The following LINGO2 variants were observed in gnomAD, a reference collection of about 807,000 sequenced individuals.
LINGO2 encodes the protein leucine-rich repeat and immunoglobulin-like domain-containing nogo receptor-interacting protein 2.
In LINGO2, 14 loss-of-function variants were observed where a neutral mutation model predicts 30.6. The observed-to-expected ratio is 0.46, with a 90% CI of 0.30 to 0.72. The LOEUF (loss-of-function observed/expected upper bound fraction) is 0.72. LINGO2 is among the 30% of genes least tolerant of loss of function. LINGO2 has a pLI of 0.07. For synonymous variants in LINGO2, 317 were observed against 288.5 expected, an observed-to-expected ratio of 1.10 and a Z score of -1.00; for missense variants, 729 against 751.7, an observed-to-expected ratio of 0.97 and a Z score of 0.35.
At chr9:28,617,758 G>A (rs747965210) in intron 1 of LINGO2, among the ~76,000 whole-genome samples, 8 of 151,282 alleles carry the variant, frequency 5.3e-5, no homozygotes, top group African/African-American at 1.2e-4. Flanking sequence ...ACAACCTTAC[G>A]TAAAACTTTG....
chr9:28,708,263 T>C, the LINGO2 span, among the ~76,000 whole-genome samples: 1 of 152,148 alleles, frequency 6.6e-6, no homozygotes, highest in Non-Finnish European at 1.5e-5. Context: ...AAGCACAGAA[T>C]TCAGCTAAAA....
chr9:28,260,684 A>T (rs1350573540), intron 4 of LINGO2, among the ~76,000 whole-genome samples: 1 of 151,902 alleles, frequency 6.6e-6, no homozygotes, highest in Non-Finnish European at 1.5e-5. Context: ...AATTATACCT[A>T]TACCTGTACA....
the LINGO2 span, among the ~76,000 whole-genome samples, chr9:29,145,768 G>C: frequency 6.6e-6 from 1 of 152,086 alleles, no homozygotes; most frequent in Non-Finnish European, 1.5e-5. Context: ...ATTAGGTTTT[G>C]TTTGATTTTG....
chr9:28,253,373 G>A (rs1822273294), intron 4 of LINGO2, among the ~76,000 whole-genome samples: 2 of 152,110 alleles, frequency 1.3e-5, no homozygotes, highest in African/African-American at 2.4e-5. Flanking sequence ...CATGACCCTT[G>A]ACTTGTGGAT....
chr9:28,909,951 G>A, the LINGO2 span, among the ~76,000 whole-genome samples: 1 of 151,944 alleles, frequency 6.6e-6, no homozygotes, highest in East Asian at 1.9e-4. Context: ...AGAAACAATT[G>A]CAAGAAAGAA....
At chr9:27,939,544 G>A in the LINGO2 span, 2 of 152,218 alleles carry the variant, frequency 1.3e-5, no homozygotes, top group Non-Finnish European at 2.9e-5. Context: ...CATTTGTTCT[G>A]TGCTCAGTGA....
At chr9:28,395,499 A>C (rs1180856641) in intron 2 of LINGO2, among the ~76,000 whole-genome samples, 2 of 151,280 alleles carry the variant, frequency 1.3e-5, no homozygotes, top group East Asian at 3.9e-4. Context: ...TATTGAAGCA[A>C]ATATATGACA....
the LINGO2 span, among the ~76,000 whole-genome samples, chr9:28,892,396 G>A: frequency 6.6e-6 from 1 of 151,854 alleles, no homozygotes; most frequent in Non-Finnish European, 1.5e-5. Context: ...TTGACACTAA[G>A]TTCATTACTG....
At chr9:28,212,417 C>G (rs1032826643) in intron 4 of LINGO2, among the ~76,000 whole-genome samples, 1 of 151,458 alleles carries the variant, frequency 6.6e-6, no homozygotes, top group African/African-American at 2.4e-5. Context: ...AGACTCTCAA[C>G]TGCTATCTGC....
chr9:28,446,084 A>G (rs1473345041), intron 2 of LINGO2, among the ~76,000 whole-genome samples: 1 of 152,132 alleles, frequency 6.6e-6, no homozygotes, highest in African/African-American at 2.4e-5. Flanking sequence ...AATTTGGGGA[A>G]ATTTTTTTCT....
At chr9:27,983,620 C>A (rs1303529355) in intron 5 of LINGO2, among the ~76,000 whole-genome samples, 3 of 151,758 alleles carry the variant, frequency 2.0e-5, no homozygotes, top group Non-Finnish European at 2.9e-5. Flanking sequence ...CCTTGATTTC[C>A]ATATTAATAA....
chr9:28,533,507 T>C (rs1385910635), intron 1 of LINGO2, among the ~76,000 whole-genome samples: 1 of 152,158 alleles, frequency 6.6e-6, no homozygotes, highest in Non-Finnish European at 1.5e-5. Context: ...CTTTAGTTTA[T>C]CTTATAAGGA....
intron 4 of LINGO2, among the ~76,000 whole-genome samples, chr9:28,055,250 C>T (rs1405400678): frequency 6.6e-6 from 1 of 152,058 alleles, no homozygotes; most frequent in Admixed American, 6.6e-5. Context: ...AGGTAGAAGC[C>T]TCAAACTGAT....
the LINGO2 span, among the ~76,000 whole-genome samples, chr9:29,128,375 T>G: frequency 1.3e-5 from 2 of 152,230 alleles, no homozygotes; most frequent in Admixed American, 1.3e-4. Context: ...CACTCCCCAC[T>G]TGGCTGCATC....
chr9:28,718,289 T>C, the LINGO2 span, among the ~76,000 whole-genome samples: 1 of 152,024 alleles, frequency 6.6e-6, no homozygotes, highest in Admixed American at 6.6e-5. Context: ...GTTCAGATAC[T>C]TGATGGGCCA....
chr9:28,549,251 C>A (rs1166335712), intron 1 of LINGO2, among the ~76,000 whole-genome samples: 1 of 152,066 alleles, frequency 6.6e-6, no homozygotes, highest in Non-Finnish European at 1.5e-5. Context: ...CCATCCCCAA[C>A]TGGTTTTTAT....
At chr9:28,154,729 C>A (rs947990962) in intron 4 of LINGO2, among the ~76,000 whole-genome samples, 1 of 152,176 alleles carries the variant, frequency 6.6e-6, no homozygotes, top group African/African-American at 2.4e-5. Context: ...ATATGTGTTG[C>A]AACTACGCTT....
At chr9:29,140,540 T>A in the LINGO2 span, among the ~76,000 whole-genome samples, 1 of 151,302 alleles carries the variant, frequency 6.6e-6, no homozygotes, top group Non-Finnish European at 1.5e-5. Context: ...ATATGAAAAA[T>A]CATCAACCAT....
chr9:28,908,408 A>C, the LINGO2 span, among the ~76,000 whole-genome samples: 1 of 151,880 alleles, frequency 6.6e-6, no homozygotes, highest in Non-Finnish European at 1.5e-5. Context: ...TTCCTCAATA[A>C]GAATGATTGC....
Sources: gnomAD v4.1 joint callset for allele counts (sites outside exome capture counted in the v4.1 genomes callset) on GRCh38, gnomAD v4.1.1 for gene constraint, MANE v1.5 for transcripts, NCBI Gene and HGNC (gene_info 2026-07-23, HGNC 2026-07-21) for gene names.